Variants in CRELD1 observed in about 807,000 individuals in gnomAD.
CRELD1 encodes the protein protein disulfide isomerase CRELD1.
In CRELD1, 42 loss-of-function variants were observed where a neutral mutation model predicts 58.2. That is an observed-to-expected ratio of 0.72 (90% CI 0.56 to 0.93). The LOEUF is 0.93. Among genes scored for constraint, CRELD1 ranks in the 40% least tolerant of loss-of-function variants. CRELD1 has a pLI of 0.00. For synonymous variants in CRELD1, 222 were observed against 202.0 expected (o/e 1.10, Z -0.84); for missense variants, 500 against 540.6 (o/e 0.92, Z 0.74).
Position 9,934,551 on chromosome 3 carries a change from C to G in CRELD1, c.113C>G (p.Ser38Cys). 1 of 1,614,136 alleles carries G rather than the reference C, an allele frequency of 6.2e-7. No individual in the cohort carries two copies. The highest frequency in any genetic ancestry group is 1.7e-5 in the Admixed American group (1 of 60,020). The change falls in exon 2 of 11, where the codon TCT becomes TGT. Residue 38 changes from serine to cysteine, a missense_variant. Physicochemically the swap from Ser to Cys is moderately radical, Grantham distance 112. Transcript: ENST00000452070. ...WLQPSPPPQS[S>C]PPPQPHPCHT... Reference sequence around the variant, plus strand: ...CAGCCCTCTCCACCTCCCCAGTCTTCTCCCCCGCCTCAGCCCCATCCGTGT... The same window carrying G: ...CAGCCCTCTCCACCTCCCCAGTCTTGTCCCCCGCCTCAGCCCCATCCGTGT...
chr3:9,936,796 A>T (rs2085209555), intron 3 of CRELD1, among the ~76,000 whole-genome samples: 1 of 152,092 alleles, frequency 6.6e-6, no homozygotes, highest in Non-Finnish European at 1.5e-5. Flanking sequence ...TGCTGATTTC[A>T]TTGGAATCAT....
chr3:9,935,079 C>G, intron 3 of CRELD1, 162 bp downstream of exon 3: 1 of 614,530 alleles, frequency 1.6e-6, no homozygotes, highest in East Asian at 2.8e-5. Flanking sequence ...TGCCCCCTTC[C>G]TGGAGCTCAC....
At chr3:9,939,701 G>C (rs568486133) in intron 5 of CRELD1, among the ~76,000 whole-genome samples, 1 of 152,346 alleles carries the variant, frequency 6.6e-6, no homozygotes, top group Non-Finnish European at 1.5e-5. Context: ...TCTTAGTACA[G>C]AACAAAATGA....
intron 10 of CRELD1, chr3:9,944,003 G>T: frequency 3.1e-6 from 3 of 968,862 alleles, no homozygotes; most frequent in Non-Finnish European, 5.1e-6. Flanking sequence ...GATGCAGAGA[G>T]ATGAAGCTAC....
chr3:9,942,769 A>G (rs373780773), intron 7 of CRELD1, 44 bp from the exon 8 acceptor site: 1 of 1,504,450 alleles, frequency 6.6e-7, no homozygotes, highest in Non-Finnish European at 9.3e-7. Context: ...CAGCTTCCCT[A>G]CTAAATAGGG....
intron 10 of CRELD1, chr3:9,943,929 C>G (rs1235145621): frequency 6.5e-7 from 1 of 1,532,266 alleles, no homozygotes; most frequent in South Asian, 1.1e-5. Context: ...ACTGATTTAA[C>G]CCCTGAAACA....
rs770275084 is a variant in CRELD1, at chr3:9,934,446, C to T, written c.8C>T (p.Pro3Leu). Residue 3 changes from proline (P) to leucine (L), a missense_variant, in exon 2 of 11, where the codon CCA (proline) becomes CTA (leucine). Pro to Leu is a moderately conservative substitution (Grantham distance 98). Transcript: ENST00000452070. ...TCCCCAGCCTGGGTAAAGATGGCCC[C>T]ATGGCCCCCGAAGGGCCTAGTCCCA... MA[P>L]WPPKGLVPAM... 33 of 1,613,724 alleles carry T rather than the reference C, an allele frequency of 2.0e-5. No homozygotes were observed. Among genetic ancestry groups the T allele is most frequent in the Non-Finnish European group, 2.6e-5 (31 of 1,179,834 alleles).
intron 5 of CRELD1, among the ~76,000 whole-genome samples, chr3:9,940,388 G>A (rs1462106929): frequency 1.3e-5 from 2 of 152,170 alleles, no homozygotes; most frequent in Non-Finnish European, 2.9e-5. Flanking sequence ...ATTGAGCACT[G>A]AGTGAACGAG....
At chr3:9,937,882 G>A (rs1575638533) in intron 4 of CRELD1, 133 bp from the exon 5 acceptor site, 3 of 766,328 alleles carry the variant, frequency 3.9e-6, no homozygotes, top group Non-Finnish European at 6.8e-6. Context: ...AAGGGCATTG[G>A]TCAGATGGCC....
At chr3:9,940,169 T>G (rs2085318752) in intron 5 of CRELD1, among the ~76,000 whole-genome samples, 1 of 151,244 alleles carries the variant, frequency 6.6e-6, no homozygotes, top group Non-Finnish European at 1.5e-5. Flanking sequence ...GCAGAGACGC[T>G]CCTCACTTTC....
intron 3 of CRELD1, 62 bp downstream of exon 3, chr3:9,934,979 G>T (rs768181933): frequency 5.7e-5 from 79 of 1,389,278 alleles, no homozygotes; most frequent in Admixed American, 2.5e-4. Context: ...TGCTCTGCTG[G>T]TGTAGGGCTA....
At chr3:9,944,289 G>C in intron 10 of CRELD1, 76 bp from the exon 11 acceptor site, 1 of 1,300,590 alleles carries the variant, frequency 7.7e-7, no homozygotes, top group South Asian at 1.2e-5. Flanking sequence ...CAGGTGTGTG[G>C]GAGTTCTGGG....
At chr3:9,941,789 C>CA (rs34088708) in intron 7 of CRELD1, among the ~76,000 whole-genome samples, 5,771 of 20,470 alleles carry the variant, frequency 0.28, 1,203 homozygotes, top group Non-Finnish European at 0.33. Context: ...GACTCCATCT[C>CA]AAAAAAAAAA....
intron 3 of CRELD1, chr3:9,935,202 G>T (rs189210146): frequency 2.6e-6 from 1 of 379,740 alleles, no homozygotes; most frequent in Non-Finnish European, 5.0e-6. Context: ...AGGTGTTCAA[G>T]GTTTGGCATT....
At chr3:9,940,818 A>T in intron 5 of CRELD1, 32 bp from the exon 6 acceptor site, 1 of 1,608,276 alleles carries the variant, frequency 6.2e-7, no homozygotes, top group South Asian at 1.1e-5. Flanking sequence ...GGTTGTATAG[A>T]TGACCTCACC....
At chr3:9,940,452 G>A (rs36029198) in intron 5 of CRELD1, among the ~76,000 whole-genome samples, 1,968 of 152,188 alleles carry the variant, frequency 0.013, 33 homozygotes, top group East Asian at 0.04. Context: ...GATCACTCGC[G>A]TTTAGGAGCT....
Position 9,934,560 on chromosome 3 carries a change from C to G in CRELD1, c.122C>G (p.Pro41Arg). ...CCACCTCCCCAGTCTTCTCCCCCGC[C>G]TCAGCCCCATCCGTGTCATACCTGC... is the stretch of plus-strand genomic sequence containing the variant. ...PSPPPQSSPPPQPHPCHTCRG... is the reference protein window; with the variant it reads ...PSPPPQSSPPRQPHPCHTCRG... Residue 41 changes from proline (P) to arginine (R), a missense_variant, in exon 2 of 11, where the codon CCT (proline) becomes CGT (arginine). Transcript: ENST00000452070. 1 of 1,614,166 alleles carries G rather than the reference C, an allele frequency of 6.2e-7. No homozygotes were observed. The highest frequency in any genetic ancestry group is 8.5e-7 in the Non-Finnish European group (1 of 1,180,020).
chr3:9,943,926 T>A, intron 10 of CRELD1: 1 of 1,549,960 alleles, frequency 6.5e-7, no homozygotes. Context: ...TTAACTGATT[T>A]AACCCCTGAA....
Position 9,944,949 on chromosome 3 carries a change from G to A in CRELD1, c.*370G>A, listed in dbSNP as rs1022866123. 1.4e-5 allele frequency: 5 copies of A among 353,540 alleles called. No individual in the cohort carries two copies. Among genetic ancestry groups the A allele is most frequent in the South Asian group, 5.0e-5 (2 of 39,736 alleles). The allele number at this position is 353,540 out of a possible 1,614,324, so 21.9% of individuals were successfully genotyped here. A position where few individuals can be genotyped will look rare whatever the true frequency, so the allele number is the denominator to read the frequency against. On this transcript the variant is annotated 3_prime_UTR_variant, in exon 11 of 11. Coordinates refer to ENST00000452070, the MANE Select transcript of CRELD1 (RefSeq NM_001077415.3). ...TGCCAGCTGCATGCTGCCAGTTCCTGTTCTGTGTTCACCACATCCCCACAC... is the reference window on the plus strand; with the variant it reads ...TGCCAGCTGCATGCTGCCAGTTCCTATTCTGTGTTCACCACATCCCCACAC...
Sources: gnomAD v4.1 joint callset for allele counts (sites outside exome capture counted in the v4.1 genomes callset) on GRCh38, gnomAD v4.1.1 for gene constraint, MANE v1.5 for transcripts, NCBI Gene and HGNC (gene_info 2026-07-23, HGNC 2026-07-21) for gene names.